Variants in ADARB2 observed in about 807,000 individuals in gnomAD.
ADARB2 encodes inactive double-stranded RNA-specific editase B2.
Under a neutral mutation model 62.2 loss-of-function variants are expected in ADARB2, and 25 were observed. That is an observed-to-expected ratio of 0.40 (90% CI 0.29 to 0.56). The LOEUF is 0.56. ADARB2 is among the 20% of genes least tolerant of loss of function. The pLI is 0.43. For missense variants in ADARB2, 1,071 were observed against 1,077.4 expected, an observed-to-expected ratio of 0.99 and a Z score of 0.08; for synonymous variants, 572 against 500.8, an observed-to-expected ratio of 1.14 and a Z score of -1.90.
At chr10:1,534,178 C>T (rs1164092076) in intron 1 of ADARB2, among the ~76,000 whole-genome samples, 4 of 151,124 alleles carry the variant, frequency 2.6e-5, no homozygotes, top group Admixed American at 2.6e-4. Context: ...ACTTTGTCGC[C>T]CAGGCTGGAG....
At chr10:1,719,718 A>C (rs1382531822) in intron 1 of ADARB2, among the ~76,000 whole-genome samples, 1 of 152,242 alleles carries the variant, frequency 6.6e-6, no homozygotes, top group African/African-American at 2.4e-5. Flanking sequence ...AACCCTATTA[A>C]AAAATGGGCA....
chr10:1,508,803 G>A (rs1047194716), intron 1 of ADARB2, among the ~76,000 whole-genome samples: 2 of 152,184 alleles, frequency 1.3e-5, no homozygotes, highest in Non-Finnish European at 2.9e-5. Context: ...AAGAAGGAAA[G>A]AAGTCGTGCT....
intron 4 of ADARB2, among the ~76,000 whole-genome samples, chr10:1,250,459 A>G (rs1401079763): frequency 6.6e-6 from 1 of 152,134 alleles, no homozygotes; most frequent in Non-Finnish European, 1.5e-5. Context: ...AGTTGGCTGT[A>G]ATGAAGCCAC....
At chr10:1,343,151 G>A (rs1328522216) in intron 3 of ADARB2, among the ~76,000 whole-genome samples, 1 of 152,114 alleles carries the variant, frequency 6.6e-6, no homozygotes, top group African/African-American at 2.4e-5. Flanking sequence ...GTCATAGGAA[G>A]CCTGTACATA....
intron 1 of ADARB2, among the ~76,000 whole-genome samples, chr10:1,492,557 G>A (rs1408825259): frequency 6.6e-6 from 1 of 152,126 alleles, no homozygotes; most frequent in African/African-American, 2.4e-5. Context: ...ATGAGAGGAT[G>A]GATTTCAGTT....
At chr10:1,373,324 ACACC>A (rs1321423646) in intron 2 of ADARB2, among the ~76,000 whole-genome samples, 3 of 151,508 alleles carry the variant, frequency 2.0e-5, no homozygotes, top group East Asian at 1.9e-4. Flanking sequence ...ACACACACAC[ACACC>A]CACCCACACA....
At chr10:1,556,088 C>T (rs1832696019) in intron 1 of ADARB2, among the ~76,000 whole-genome samples, 1 of 151,910 alleles carries the variant, frequency 6.6e-6, no homozygotes, top group Admixed American at 6.6e-5. Flanking sequence ...GTCTGGAATC[C>T]TTCAATTCCT....
At chr10:1,675,369 G>A (rs1431333660) in intron 1 of ADARB2, 1 of 984,178 alleles carries the variant, frequency 1.0e-6, no homozygotes, top group Non-Finnish European at 1.2e-6. Flanking sequence ...TGTTCTGGAG[G>A]TTTGGGTTCA....
At chr10:1,444,281 A>ATTTCCATCCATCCATCCATC (rs758159917) in intron 1 of ADARB2, among the ~76,000 whole-genome samples, 1 of 117,568 alleles carries the variant, frequency 8.5e-6, no homozygotes, top group African/African-American at 4.3e-5. Flanking sequence ...CCATCTATCT[A>ATTTCCATCCATCCATCCATC]CATCCATCCA....
At chr10:1,365,103 C>A (rs1832301779) in intron 2 of ADARB2, among the ~76,000 whole-genome samples, 2 of 152,044 alleles carry the variant, frequency 1.3e-5, no homozygotes, top group African/African-American at 4.8e-5. Flanking sequence ...AACTCCTGAC[C>A]TCAGGTGATC....
chr10:1,736,957 T>G, intron 1 of ADARB2, 94 bp downstream of exon 1: 2 of 1,318,768 alleles, frequency 1.5e-6, no homozygotes, highest in South Asian at 1.2e-5. Flanking sequence ...GTGAAGCTGC[T>G]CACAACGGAC....
intron 1 of ADARB2, among the ~76,000 whole-genome samples, chr10:1,440,136 C>T (rs2131895150): frequency 6.6e-6 from 1 of 151,320 alleles, no homozygotes; most frequent in Middle Eastern, 3.4e-3. Context: ...TCCTGAGTCT[C>T]CCCCAGGACA....
intron 4 of ADARB2, among the ~76,000 whole-genome samples, chr10:1,268,889 C>A (rs1353871633): frequency 6.6e-6 from 1 of 152,212 alleles, no homozygotes; most frequent in Non-Finnish European, 1.5e-5. Flanking sequence ...AGTATCATTT[C>A]CCCACAAGCC....
At chr10:1,602,973 C>A in intron 1 of ADARB2, among the ~76,000 whole-genome samples, 1 of 151,532 alleles carries the variant, frequency 6.6e-6, no homozygotes, top group East Asian at 1.9e-4. Flanking sequence ...CACAGACACA[C>A]ATCAACACGT....
intron 1 of ADARB2, among the ~76,000 whole-genome samples, chr10:1,571,731 C>T (rs1306167025): frequency 7.9e-6 from 1 of 126,094 alleles, no homozygotes; most frequent in Non-Finnish European, 1.6e-5. Flanking sequence ...GGTGAGTGTG[C>T]AGGTGAATGG....
intron 1 of ADARB2, among the ~76,000 whole-genome samples, chr10:1,684,298 T>G (rs535503181): frequency 2.0e-5 from 3 of 152,354 alleles, no homozygotes; most frequent in Admixed American, 6.5e-5. Context: ...TCTTAATGCA[T>G]TCAAACTTCC....
At chr10:1,720,948 A>G (rs1315873684) in intron 1 of ADARB2, among the ~76,000 whole-genome samples, 2 of 152,228 alleles carry the variant, frequency 1.3e-5, no homozygotes, top group African/African-American at 4.8e-5. Flanking sequence ...CTCTCCCTGC[A>G]CAAAGCCGCT....
At chr10:1,473,492 G>A (rs1265431070) in intron 1 of ADARB2, among the ~76,000 whole-genome samples, 2 of 152,044 alleles carry the variant, frequency 1.3e-5, no homozygotes, top group Admixed American at 1.3e-4. Flanking sequence ...GGATTCTCCT[G>A]CCTCAGCCTC....
intron 1 of ADARB2, among the ~76,000 whole-genome samples, chr10:1,504,485 C>T (rs775244177): frequency 1.3e-5 from 2 of 152,160 alleles, no homozygotes; most frequent in Non-Finnish European, 2.9e-5. Flanking sequence ...GTAGCCAGCC[C>T]GGCCCTGTTA....
Sources: allele counts gnomAD v4.1 joint callset (sites outside exome capture counted in the v4.1 genomes callset), GRCh38; gene constraint gnomAD v4.1.1; transcripts MANE v1.5; gene names NCBI Gene and HGNC (gene_info 2026-07-23, HGNC 2026-07-21).